Variants in SLC12A7 observed in about 807,000 individuals in gnomAD.
SLC12A7 encodes the protein K-Cl cotransporter 4.
In SLC12A7, 100 loss-of-function variants were observed where a neutral mutation model predicts 120.6. The observed-to-expected ratio is 0.83, with a 90% confidence interval of 0.71 to 0.98. The LOEUF is 0.98. Ranked by LOEUF, SLC12A7 falls within the 50% of genes least tolerant of loss-of-function variation. The pLI, the probability that SLC12A7 is intolerant of heterozygous loss-of-function variation, is 0.00. For missense variants in SLC12A7, 1,373 were observed against 1,548.1 expected (o/e 0.89, Z 1.90); for synonymous variants, 760 against 678.0 (o/e 1.12, Z -1.88).
chr5:1,053,292 C>T (rs1242382701), intron 23 of SLC12A7, 57 bp downstream of exon 23: 30 of 1,575,768 alleles, frequency 1.9e-5, no homozygotes, highest in East Asian at 4.5e-5. Flanking sequence ...CAGGTCTTAG[C>T]GAGAAGCCAC....
chr5:1,059,199 C>T (rs6859798), intron 21 of SLC12A7, among the ~76,000 whole-genome samples: 7,897 of 152,298 alleles, frequency 0.052, 243 homozygotes, highest in African/African-American at 0.081. Flanking sequence ...CACGGACAAG[C>T]TGGGCGGCCC....
At chr5:1,151,718 G>T in the SLC12A7 span, among the ~76,000 whole-genome samples, 1 of 152,070 alleles carries the variant, frequency 6.6e-6, no homozygotes, top group African/African-American at 2.4e-5. The surrounding 1 kb of genome is among the most constrained non-coding windows in gnomAD (Gnocchi z 6.2). Flanking sequence ...GGGGGCAGGG[G>T]GTGGGTGGTG....
the SLC12A7 span, among the ~76,000 whole-genome samples, chr5:1,146,014 C>T: frequency 6.6e-6 from 1 of 152,168 alleles, no homozygotes; most frequent in Non-Finnish European, 1.5e-5. The surrounding 1 kb of genome is among the most constrained non-coding windows in gnomAD (Gnocchi z 6.5). Flanking sequence ...AAACTGACTC[C>T]CATTCCCCTC....
chr5:1,120,435 C>T, the SLC12A7 span, among the ~76,000 whole-genome samples: 5 of 152,206 alleles, frequency 3.3e-5, no homozygotes, highest in African/African-American at 7.2e-5. Context: ...GCCACCTCGC[C>T]GGGGGACGCG....
At chr5:1,102,306 G>C (rs1742099487) in intron 1 of SLC12A7, among the ~76,000 whole-genome samples, 1 of 152,200 alleles carries the variant, frequency 6.6e-6, no homozygotes, top group Admixed American at 6.5e-5. Context: ...TTTCTGCAGG[G>C]AGAAGCTGGC....
chr5:1,068,670 G>A (rs953419306), intron 17 of SLC12A7, among the ~76,000 whole-genome samples: 3 of 152,074 alleles, frequency 2.0e-5, no homozygotes, highest in Admixed American at 6.6e-5. Context: ...TCGTCCTCCC[G>A]TCCGCAAGAG....
chr5:1,073,760 G>A lies in SLC12A7; in HGVS notation c.2114C>T (p.Ala705Val). Residue 705 changes from alanine (A) to valine (V), a missense_variant, in exon 17 of 24, where the codon GCC (alanine) becomes GTC (valine). By Grantham distance (64) the Ala-to-Val change is moderately conservative. Transcript: ENST00000264930. The part of the protein sequence containing the change: ...LVMLNLDAEQ[A>V]VKHPRLLSFT... Reference sequence around the variant, plus strand: ...GGACAGCAGGCGGGGGTGCTTCACGGCCTGCTCCGCGTCCAGGTTCAGCAT... The same window carrying A: ...GGACAGCAGGCGGGGGTGCTTCACGACCTGCTCCGCGTCCAGGTTCAGCAT... The A allele has an allele frequency of 1.3e-6, 2 of 1,522,204 alleles. No homozygotes were observed. Among genetic ancestry groups the A allele is most frequent in the East Asian group, 2.5e-5 (1 of 39,538 alleles). The allele number at this position is 1,522,204 out of a possible 1,614,324, so 94.3% of individuals were successfully genotyped here.
At chr5:1,115,044 G>A (rs1416706456), upstream of SLC12A7, among the ~76,000 whole-genome samples, 1 of 152,178 alleles carries the variant, frequency 6.6e-6, no homozygotes, top group Non-Finnish European at 1.5e-5. Flanking sequence ...TTTGTACATC[G>A]CTGATGAAAC....
the SLC12A7 span, among the ~76,000 whole-genome samples, chr5:1,129,066 C>T: frequency 6.6e-6 from 1 of 152,126 alleles, no homozygotes; most frequent in Non-Finnish European, 1.5e-5. Flanking sequence ...TTGGGAGCAC[C>T]CCTGGGATCC....
At chr5:1,149,390 A>C in the SLC12A7 span, among the ~76,000 whole-genome samples, 28 of 152,060 alleles carry the variant, frequency 1.8e-4, no homozygotes, top group African/African-American at 6.5e-4. Flanking sequence ...CAGCCTGGCC[A>C]ACATGGCGAA....
chr5:1,108,852 C>G (rs1389329729), intron 1 of SLC12A7, among the ~76,000 whole-genome samples: 2 of 152,146 alleles, frequency 1.3e-5, no homozygotes, highest in Non-Finnish European at 2.9e-5. Flanking sequence ...GCAGGAGGGA[C>G]GGGCAGGCCA....
At position 1,052,544 on chromosome 5, in the gene SLC12A7, G is replaced by A. The variant is rs1735158050; in HGVS notation, c.3161-93C>T. 3 of 1,100,910 alleles carry A rather than the reference G, an allele frequency of 2.7e-6. No individual in the cohort carries two copies. In the Admixed American group the frequency reaches 5.7e-5, roughly 21 times the overall value. 68.2% of individuals were successfully genotyped at this position (1,100,910 alleles called of 1,614,324 possible). A position where few individuals can be genotyped will look rare whatever the true frequency, so the allele number is the denominator to read the frequency against. On this transcript the variant is annotated intron_variant, in intron 23 of 23. Coordinates refer to ENST00000264930, the MANE Select transcript of SLC12A7 (RefSeq NM_006598.3). ...AGTGAGGTTTATCCTCTCCTGGTTA[G>A]CTAAGATTTGGTTTGAGAAACCCAG...
At chr5:1,122,361 C>T in the SLC12A7 span, among the ~76,000 whole-genome samples, 2 of 152,174 alleles carry the variant, frequency 1.3e-5, no homozygotes, top group Admixed American at 6.5e-5. Context: ...GCACAGCCCC[C>T]GCCACTGCGC....
chr5:1,066,320 C>T (rs1737050028), intron 17 of SLC12A7, among the ~76,000 whole-genome samples: 1 of 152,156 alleles, frequency 6.6e-6, no homozygotes, highest in Admixed American at 6.5e-5. Flanking sequence ...TGGACCAGAC[C>T]CCACATTTCA....
At chr5:1,084,843 C>T (rs1271176820) in intron 7 of SLC12A7, among the ~76,000 whole-genome samples, 1 of 152,116 alleles carries the variant, frequency 6.6e-6, no homozygotes, top group Non-Finnish European at 1.5e-5. Flanking sequence ...TCCAAAAGGA[C>T]AAGAAAAGAG....
At chr5:1,154,733 C>A in the SLC12A7 span, among the ~76,000 whole-genome samples, 1 of 152,188 alleles carries the variant, frequency 6.6e-6, no homozygotes, top group Non-Finnish European at 1.5e-5. Flanking sequence ...CCCCCACACA[C>A]GTGAGCTGGG....
At chr5:1,085,091 G>C (rs977914881) in intron 7 of SLC12A7, 141 bp downstream of exon 7, 1 of 1,209,116 alleles carries the variant, frequency 8.3e-7, no homozygotes, top group Non-Finnish European at 1.1e-6. Flanking sequence ...ACGAGCCCAC[G>C]GGGGTTCCCG....
At chr5:1,149,607 AAG>A in the SLC12A7 span, among the ~76,000 whole-genome samples, 67 of 152,146 alleles carry the variant, frequency 4.4e-4, no homozygotes, top group African/African-American at 1.6e-3. Flanking sequence ...AAATAAAAAT[AAG>A]AGCCATTCAA....
intron 6 of SLC12A7, among the ~76,000 whole-genome samples, chr5:1,086,655 C>T (rs899356010): frequency 6.6e-6 from 1 of 152,246 alleles, no homozygotes; most frequent in South Asian, 2.1e-4. Flanking sequence ...AGATGTCTAC[C>T]CAGCTCATGC....
Sources: gnomAD v4.1 joint callset for allele counts (sites outside exome capture counted in the v4.1 genomes callset) on GRCh38, gnomAD v4.1.1 for gene constraint, Gnocchi (gnomAD v3.1) non-coding constraint, MANE v1.5 for transcripts, NCBI Gene and HGNC (gene_info 2026-07-23, HGNC 2026-07-21) for gene names.